Variants in TRPM3 observed in about 807,000 individuals in gnomAD.
TRPM3 encodes the protein transient receptor potential cation channel subfamily M member 3.
In TRPM3, 77 loss-of-function variants were observed where a neutral mutation model predicts 181.2. The observed-to-expected ratio is 0.42, with a 90% CI of 0.35 to 0.51. TRPM3 has a LOEUF of 0.51. TRPM3 is among the 20% of genes least tolerant of loss of function. TRPM3 has a pLI of 0.01. For missense variants in TRPM3, 1,759 were observed against 2,196.7 expected (o/e 0.80, Z 3.98); for synonymous variants, 745 against 796.4 (o/e 0.94, Z 1.09).
At chr9:71,328,019 T>C (rs1260540741) in intron 1 of TRPM3, among the ~76,000 whole-genome samples, 1 of 150,360 alleles carries the variant, frequency 6.7e-6, no homozygotes, top group Non-Finnish European at 1.5e-5. Flanking sequence ...AGAGTGGGAA[T>C]GACTACAGAT....
intron 1 of TRPM3, among the ~76,000 whole-genome samples, chr9:71,375,259 A>G (rs2092636788): frequency 6.6e-6 from 1 of 152,168 alleles, no homozygotes; most frequent in Non-Finnish European, 1.5e-5. Context: ...TGACTTAAAC[A>G]AGCAATGGTT....
chr9:70,951,006 T>C (rs896043834), intron 1 of TRPM3, among the ~76,000 whole-genome samples: 1 of 152,068 alleles, frequency 6.6e-6, no homozygotes, highest in Admixed American at 6.6e-5. Context: ...GATAAACATT[T>C]TGAATATTTT....
chr9:71,092,466 A>ACTTCTTCAAT (rs2066391304), intron 1 of TRPM3, among the ~76,000 whole-genome samples: 1 of 152,176 alleles, frequency 6.6e-6, no homozygotes, highest in Non-Finnish European at 1.5e-5. Context: ...CAATTTACTA[A>ACTTCTTCAAT]GCATAGATTT....
intron 1 of TRPM3, among the ~76,000 whole-genome samples, chr9:71,348,029 T>C (rs2091392717): frequency 6.6e-6 from 1 of 152,092 alleles, no homozygotes; most frequent in African/African-American, 2.4e-5. Flanking sequence ...ATTTTCTTTT[T>C]AGACAAAAGT....
chr9:70,555,855 G>A (rs143205248), intron 22 of TRPM3, among the ~76,000 whole-genome samples: 3 of 152,160 alleles, frequency 2.0e-5, no homozygotes, highest in African/African-American at 7.2e-5. Flanking sequence ...CTGTGTAGAC[G>A]CCAACAAAGA....
At chr9:71,138,287 A>G (rs560138571) in intron 1 of TRPM3, among the ~76,000 whole-genome samples, 2 of 152,294 alleles carry the variant, frequency 1.3e-5, no homozygotes, top group African/African-American at 4.8e-5. Flanking sequence ...CTTTCCCTCT[A>G]TGCCTCTGTC....
intron 8 of TRPM3, among the ~76,000 whole-genome samples, chr9:70,697,281 A>T (rs2070836363): frequency 6.6e-6 from 1 of 152,184 alleles, no homozygotes; most frequent in Admixed American, 6.5e-5. Context: ...GCCCTGTCAT[A>T]TTATCCCCAT....
intron 6 of TRPM3, among the ~76,000 whole-genome samples, chr9:70,792,470 G>C (rs531245583): frequency 1.3e-5 from 2 of 151,272 alleles, no homozygotes; most frequent in Admixed American, 6.6e-5. Flanking sequence ...AGAGGGGAGA[G>C]AAAAGAGAAA....
At chr9:70,815,834 T>C (rs983516636) in intron 6 of TRPM3, among the ~76,000 whole-genome samples, 3 of 152,224 alleles carry the variant, frequency 2.0e-5, no homozygotes, top group African/African-American at 4.8e-5. Context: ...AAGCTTAGCT[T>C]GTGTGAATGA....
intron 1 of TRPM3, among the ~76,000 whole-genome samples, chr9:71,132,333 G>A (rs1441721915): frequency 6.6e-6 from 1 of 152,068 alleles, no homozygotes; most frequent in Non-Finnish European, 1.5e-5. Context: ...CACACACTGA[G>A]CATTATTTCA....
intron 6 of TRPM3, among the ~76,000 whole-genome samples, chr9:70,796,337 T>A (rs2087022266): frequency 6.6e-6 from 1 of 152,174 alleles, no homozygotes; most frequent in Non-Finnish European, 1.5e-5. Context: ...GTGAGGGAAA[T>A]GTTGCTGGTG....
At chr9:71,187,881 CAGACAGATGATAGAT>C (rs1033553753) in intron 1 of TRPM3, among the ~76,000 whole-genome samples, 2 of 149,408 alleles carry the variant, frequency 1.3e-5, no homozygotes, top group Non-Finnish European at 3.0e-5. Context: ...GACAGACAGG[CAGACAGATGATAGAT>C]AGATAGATAG....
At chr9:70,880,581 T>C (rs898543108) in intron 1 of TRPM3, among the ~76,000 whole-genome samples, 2 of 152,144 alleles carry the variant, frequency 1.3e-5, no homozygotes, top group Non-Finnish European at 2.9e-5. Flanking sequence ...TGTGTATAGT[T>C]GTGTGCACCC....
At chr9:71,011,346 T>G (rs1054968516) in intron 1 of TRPM3, among the ~76,000 whole-genome samples, 5 of 152,184 alleles carry the variant, frequency 3.3e-5, no homozygotes, top group African/African-American at 1.2e-4. Context: ...ATGGATATGG[T>G]AATTACCCTG....
chr9:71,160,412 G>A (rs1045391013), intron 1 of TRPM3, among the ~76,000 whole-genome samples: 2 of 151,950 alleles, frequency 1.3e-5, no homozygotes, highest in African/African-American at 4.8e-5. Context: ...CTTACACATA[G>A]TAAGTGCTCA....
chr9:71,404,946 T>A (rs2093409340), intron 1 of TRPM3, among the ~76,000 whole-genome samples: 1 of 152,194 alleles, frequency 6.6e-6, no homozygotes, highest in African/African-American at 2.4e-5. Context: ...AAGGTCCTCT[T>A]CAACTTATCC....
At chr9:70,756,594 T>C (rs940822851) in intron 8 of TRPM3, among the ~76,000 whole-genome samples, 1 of 152,082 alleles carries the variant, frequency 6.6e-6, no homozygotes, top group Non-Finnish European at 1.5e-5. Flanking sequence ...TAATTGGAAA[T>C]AAAACACTCC....
At chr9:70,599,119 C>A (rs2059461352) in intron 20 of TRPM3, among the ~76,000 whole-genome samples, 1 of 152,202 alleles carries the variant, frequency 6.6e-6, no homozygotes, top group Non-Finnish European at 1.5e-5. Context: ...TAGCCAACTA[C>A]TTCTCACCAC....
intron 1 of TRPM3, among the ~76,000 whole-genome samples, chr9:71,131,292 G>C (rs188847758): frequency 4.1e-4 from 63 of 152,302 alleles, no homozygotes; most frequent in South Asian, 1.0e-3. Flanking sequence ...GATTATATGT[G>C]ATCTCCCTAG....
Sources: gnomAD v4.1 joint callset for allele counts (sites outside exome capture counted in the v4.1 genomes callset) on GRCh38, gnomAD v4.1.1 for gene constraint, MANE v1.5 for transcripts, NCBI Gene and HGNC (gene_info 2026-07-23, HGNC 2026-07-21) for gene names.